The following NAV2 variants were observed in gnomAD, a reference collection of about 807,000 sequenced individuals.
NAV2 encodes helicase, APC down-regulated 1.
NAV2 carries 54 observed loss-of-function variants against 223.2 expected under a neutral mutation model. That is an observed-to-expected ratio of 0.24 (90% CI 0.19 to 0.30). The LOEUF (loss-of-function observed/expected upper bound fraction) is 0.30. Ranked by LOEUF, NAV2 falls within the 10% of genes least tolerant of loss-of-function variation. The pLI is 1.00. For missense variants in NAV2, 2,806 were observed against 3,147.5 expected (o/e 0.89, Z 2.60); for synonymous variants, 1,279 against 1,239.3 (o/e 1.03, Z -0.67).
rs1276923504 is a variant in NAV2, at chr11:20,045,586, C to T, written c.3818C>T (p.Ala1273Val). 9 of 1,614,196 alleles carry T rather than the reference C, an allele frequency of 5.6e-6. No homozygotes were observed. The highest frequency in any genetic ancestry group is 1.1e-5 in the South Asian group (1 of 91,088). Reference protein sequence around the residue: ...ASCNSVKVNPAAQPVSSPAQT... With the variant: ...ASCNSVKVNPVAQPVSSPAQT... ...TGTAACTCGGTGAAAGTGAATCCGG[C>T]AGCCCAGCCTGTGTCCAGTCCGGCT... is the stretch of plus-strand genomic sequence containing the variant. Residue 1273 changes from alanine to valine, a missense_variant, in exon 14 of 38, where the codon GCA becomes GTA. By Grantham distance (64) the Ala-to-Val change is moderately conservative. Transcript: ENST00000349880.
intron 1 of NAV2, among the ~76,000 whole-genome samples, chr11:19,646,354 C>T (rs879349465): frequency 1.1e-4 from 16 of 152,180 alleles, no homozygotes; most frequent in Non-Finnish European, 2.1e-4. Flanking sequence ...GGGATGGGAG[C>T]TCTATTTCAT....
At chr11:19,354,938 A>AC (rs1409753172) in intron 1 of NAV2, among the ~76,000 whole-genome samples, 5 of 152,198 alleles carry the variant, frequency 3.3e-5, no homozygotes, top group Non-Finnish European at 5.9e-5. Context: ...CCTGGGTGCC[A>AC]CATATAGATG....
At chr11:19,754,636 G>C (rs969404437) in intron 1 of NAV2, among the ~76,000 whole-genome samples, 2 of 152,122 alleles carry the variant, frequency 1.3e-5, no homozygotes, top group Non-Finnish European at 2.9e-5. Flanking sequence ...GTGTCTGCAT[G>C]GGCTTTCTTC....
chr11:19,452,261 T>G (rs1851815682), intron 1 of NAV2, among the ~76,000 whole-genome samples: 1 of 152,098 alleles, frequency 6.6e-6, no homozygotes, highest in African/African-American at 2.4e-5. Flanking sequence ...TTTTAAAAAA[T>G]TAAGAATCAA....
intron 1 of NAV2, among the ~76,000 whole-genome samples, chr11:19,776,668 G>GTGTGTGTGTGTGTGTGTGTC (rs1170413542): frequency 1.2e-4 from 18 of 150,166 alleles, no homozygotes; most frequent in African/African-American, 3.7e-4. Context: ...GTGTGTGTGT[G>GTGTGTGTGTGTGTGTGTGTC]TGTGTGTGGT....
chr11:19,627,661 C>T (rs1030259789), intron 1 of NAV2, among the ~76,000 whole-genome samples: 2 of 152,014 alleles, frequency 1.3e-5, no homozygotes, highest in Admixed American at 1.3e-4. Flanking sequence ...ACAGTCTGCC[C>T]AGCTCCAGGG....
intron 1 of NAV2, among the ~76,000 whole-genome samples, chr11:19,464,047 G>A (rs1235645767): frequency 6.6e-6 from 1 of 152,200 alleles, no homozygotes; most frequent in Non-Finnish European, 1.5e-5. Flanking sequence ...CTCGAATTCA[G>A]TGAAAATATT....
At chr11:19,407,276 G>A (rs993847583) in intron 1 of NAV2, among the ~76,000 whole-genome samples, 6 of 152,170 alleles carry the variant, frequency 3.9e-5, no homozygotes, top group African/African-American at 1.4e-4. Flanking sequence ...TAGAGGCAGG[G>A]ACCAAGGCAT....
intron 1 of NAV2, among the ~76,000 whole-genome samples, chr11:19,780,055 CT>C (rs2056611280): frequency 6.6e-6 from 1 of 152,222 alleles, no homozygotes; most frequent in Non-Finnish European, 1.5e-5. Flanking sequence ...AATTAAAGGT[CT>C]TGCTTCATGT....
At chr11:19,404,124 C>A (rs539615076) in intron 1 of NAV2, among the ~76,000 whole-genome samples, 1 of 151,956 alleles carries the variant, frequency 6.6e-6, no homozygotes, top group Non-Finnish European at 1.5e-5. Context: ...GTACAGGGTG[C>A]GAGACAGAGA....
In NAV2 at chr11:19,405,909, A is replaced by G; in HGVS notation, c.75+54882A>G. Among the ~76,000 whole-genome samples, 2 of 152,220 alleles carry G rather than the reference A, an allele frequency of 1.3e-5. 1 individual carries two copies. The highest frequency in any genetic ancestry group is 1.3e-4 in the Admixed American group (2 of 15,284). ...AAGTGTTATCTAGGAGGGATGTCAT[A>G]GTCATCGCCCATAATTATCTTGGTT... On this transcript the variant is annotated intron_variant, in intron 1 of 37. Coordinates refer to the NAV2 transcript ENST00000360655.
At chr11:20,006,762 G>A (rs976608965) in intron 11 of NAV2, among the ~76,000 whole-genome samples, 1 of 152,034 alleles carries the variant, frequency 6.6e-6, no homozygotes, top group Non-Finnish European at 1.5e-5. Context: ...TGAGATGGGA[G>A]GATCACTTGA....
intron 1 of NAV2, among the ~76,000 whole-genome samples, chr11:19,413,931 G>A (rs1590158636): frequency 1.3e-5 from 2 of 152,290 alleles, no homozygotes; most frequent in East Asian, 3.9e-4. Flanking sequence ...ACTAAATATG[G>A]AAAGGAAAAA....
intron 1 of NAV2, among the ~76,000 whole-genome samples, chr11:19,458,433 A>T (rs1181310529): frequency 1.3e-5 from 2 of 152,244 alleles, no homozygotes; most frequent in African/African-American, 4.8e-5. Context: ...GAAATATGAT[A>T]AAGTCTAGCC....
At chr11:19,629,203 C>A (rs1007418332) in intron 1 of NAV2, among the ~76,000 whole-genome samples, 1 of 152,058 alleles carries the variant, frequency 6.6e-6, no homozygotes, top group South Asian at 2.1e-4. Context: ...CTTGCCCCAA[C>A]CCCACTCACC....
At chr11:19,670,070 C>T (rs1168025701) in intron 1 of NAV2, among the ~76,000 whole-genome samples, 5 of 152,162 alleles carry the variant, frequency 3.3e-5, no homozygotes, top group African/African-American at 4.8e-5. Flanking sequence ...TTGTCATGCC[C>T]ACCCTGCAAG....
rs796735023 is a variant in NAV2, at chr11:19,636,529, C to T, written c.76-195955C>T. Among the ~76,000 whole-genome samples the T allele has an allele frequency of 2.9e-3, 420 of 145,772 alleles. 4 individuals carry two copies. Among genetic ancestry groups the T allele is most frequent in the African/African-American group, 9.9e-3 (387 of 39,176 alleles). On this transcript the variant is annotated intron_variant, in intron 1 of 37. Transcript: ENST00000360655. Reference sequence around the variant, plus strand: ...TTTTTGAGACGGAGTCTCGCTCTGTCGCCCAGGCTGGAGTGCAATGGCGTG... The same window carrying T: ...TTTTTGAGACGGAGTCTCGCTCTGTTGCCCAGGCTGGAGTGCAATGGCGTG...
At chr11:20,013,095 G>C (rs1349205927) in intron 11 of NAV2, among the ~76,000 whole-genome samples, 2 of 152,188 alleles carry the variant, frequency 1.3e-5, no homozygotes, top group African/African-American at 4.8e-5. Flanking sequence ...AGTTGGACCT[G>C]GGTCCAGATT....
At chr11:20,102,084 A>C (rs534337388) in intron 32 of NAV2, among the ~76,000 whole-genome samples, 12 of 152,298 alleles carry the variant, frequency 7.9e-5, no homozygotes, top group Admixed American at 7.8e-4. Context: ...GGTGCAGGAC[A>C]AGAGAGAAGT....
Sources: allele counts gnomAD v4.1 joint callset (sites outside exome capture counted in the v4.1 genomes callset), GRCh38; gene constraint gnomAD v4.1.1; transcripts MANE v1.5; gene names NCBI Gene and HGNC (gene_info 2026-07-23, HGNC 2026-07-21).